Variants in NPC1 observed in about 807,000 individuals in gnomAD.
NPC1 encodes NPC intracellular cholesterol transporter 1.
In NPC1, 85 loss-of-function variants were observed where a neutral mutation model predicts 140.4. That is an observed-to-expected ratio of 0.61 (90% confidence interval 0.51 to 0.72). The LOEUF (loss-of-function observed/expected upper bound fraction) is 0.72. NPC1 is among the 30% of genes least tolerant of loss of function. NPC1 has a pLI of 0.00. For missense variants in NPC1, 1,504 were observed against 1,623.8 expected (o/e 0.93, Z 1.27); for synonymous variants, 656 against 624.8 (o/e 1.05, Z -0.74).
At chr18:23,577,355 A>AT in intron 1 of NPC1, among the ~76,000 whole-genome samples, 1 of 72,404 alleles carries the variant, frequency 1.4e-5, no homozygotes, top group Admixed American at 1.4e-4. Context: ...CCTTGAGCTA[A>AT]ACACAGGGTG....
downstream of NPC1, among the ~76,000 whole-genome samples, chr18:23,525,143 T>C (rs2058260038): frequency 6.6e-6 from 1 of 151,060 alleles, no homozygotes; most frequent in Non-Finnish European, 1.5e-5. Flanking sequence ...ACGAGGTTTT[T>C]CCATGTTGGT....
chr18:23,548,858 G>A (rs112040079), intron 10 of NPC1, among the ~76,000 whole-genome samples: 46 of 152,206 alleles, frequency 3.0e-4, no homozygotes, highest in African/African-American at 1.1e-3. Context: ...TGGTGCAATC[G>A]CGGCTTTTTG....
chr18:23,563,987 GT>G (rs71163619), intron 4 of NPC1, among the ~76,000 whole-genome samples: 66 of 102,582 alleles, frequency 6.4e-4, no homozygotes, highest in Non-Finnish European at 9.0e-4. Flanking sequence ...AGTAGTAAGA[GT>G]TTTTTTTTTT....
chr18:23,575,768 C>CAAAAAAAA (rs1238529426), intron 1 of NPC1, among the ~76,000 whole-genome samples: 1 of 48,406 alleles, frequency 2.1e-5, no homozygotes, highest in Non-Finnish European at 3.8e-5. Flanking sequence ...GCAGAGAAGA[C>CAAAAAAAA]CAAAAAAAAA....
chr18:23,532,175 G>C lies in NPC1; in HGVS notation c.*27C>G, dbSNP rs1319900947. 1 of 1,614,120 alleles carries C rather than the reference G, an allele frequency of 6.2e-7. No homozygotes were observed. Among genetic ancestry groups the C allele is most frequent in the East Asian group, 2.2e-5 (1 of 44,872 alleles). The stretch of plus-strand genomic sequence containing the variant: ...GTAAACCGACCGACCCTTAGACACA[G>C]TTCAGTCAGGATGCCCTGCGAGAGG... On this transcript the variant is annotated 3_prime_UTR_variant, in exon 25 of 25. Transcript: ENST00000269228.
At chr18:23,511,725 T>C (rs983063147) in intron 3 of NPC1, among the ~76,000 whole-genome samples, 1 of 152,022 alleles carries the variant, frequency 6.6e-6, no homozygotes, top group Non-Finnish European at 1.5e-5. Flanking sequence ...AGTATTCCAC[T>C]GTATGGATGG....
At chr18:23,533,250 G>A (rs1476302668) in intron 24 of NPC1, 105 bp downstream of exon 24, 32 of 1,198,142 alleles carry the variant, frequency 2.7e-5, no homozygotes, top group Non-Finnish European at 3.7e-5. Context: ...ATTATCAAAT[G>A]ACCATTAGTA....
At chr18:23,580,549 G>A (rs888330697) in intron 1 of NPC1, among the ~76,000 whole-genome samples, 2 of 152,242 alleles carry the variant, frequency 1.3e-5, no homozygotes, top group African/African-American at 4.8e-5. Flanking sequence ...CCCAGGGTAG[G>A]ACTTGGCCAT....
Position 23,544,943 on chromosome 18 carries a change from A to AGCCCCCCCCCCCCC in NPC1, c.1947+16_1947+17insGGGGGGGGGGGGGC. 9.7e-7 allele frequency: 1 copy of AGCCCCCCCCCCCCC among 1,032,988 alleles called. No individual in the cohort carries two copies. The highest frequency in any genetic ancestry group is 1.4e-6 in the Non-Finnish European group (1 of 712,988). The allele number at this position is 1,032,988 out of a possible 1,614,324, so 64.0% of individuals were successfully genotyped here. A position where few individuals can be genotyped will look rare whatever the true frequency, so the allele number is the denominator to read the frequency against. On this transcript the variant is annotated intron_variant, in intron 12 of 24. Coordinates refer to ENST00000269228, the MANE Select transcript of NPC1 (RefSeq NM_000271.5). ...GCTGTTAACCTCTAGAACATACACC[A>AGCCCCCCCCCCCCC]CCCCCCCCCGGCTTACCAGAAGCCT...
intron 10 of NPC1, 69 bp downstream of exon 10, chr18:23,551,558 C>T (rs1961596679): frequency 6.1e-6 from 7 of 1,138,626 alleles, no homozygotes; most frequent in Non-Finnish European, 9.4e-6. Context: ...TCATAATTAC[C>T]ACTTGATGCT....
At chr18:23,543,921 C>T (rs189194651) in intron 13 of NPC1, among the ~76,000 whole-genome samples, 3 of 152,266 alleles carry the variant, frequency 2.0e-5, no homozygotes, top group South Asian at 2.1e-4. Context: ...TCTACAGCAG[C>T]GGGACACGTG....
At chr18:23,559,441 T>A (rs2059004121) in intron 6 of NPC1, among the ~76,000 whole-genome samples, 1 of 151,472 alleles carries the variant, frequency 6.6e-6, no homozygotes, top group Non-Finnish European at 1.5e-5. Flanking sequence ...AAAAGGACTA[T>A]AGTACTCCAT....
chr18:23,529,841 C>A, downstream of NPC1: 1 of 1,080,524 alleles, frequency 9.3e-7, no homozygotes, highest in Non-Finnish European at 1.4e-6. Context: ...CTGAGTGACT[C>A]CTGACATTAT....
At chr18:23,564,646 C>A (rs1211532552) in intron 4 of NPC1, among the ~76,000 whole-genome samples, 1 of 152,100 alleles carries the variant, frequency 6.6e-6, no homozygotes, top group East Asian at 1.9e-4. Context: ...TTGATGGCGT[C>A]CTCTGAAATA....
At chr18:23,545,439 C>T (rs2058775881) in intron 11 of NPC1, among the ~76,000 whole-genome samples, 1 of 152,174 alleles carries the variant, frequency 6.6e-6, no homozygotes, top group African/African-American at 2.4e-5. Context: ...GACAGGGTTT[C>T]ACCATGTTGG....
downstream of NPC1, among the ~76,000 whole-genome samples, chr18:23,527,345 GC>G (rs1381025755): frequency 3.9e-5 from 6 of 151,916 alleles, no homozygotes; most frequent in African/African-American, 1.5e-4. Flanking sequence ...GCTGCAGCGA[GC>G]CGTTTGTGTC....
Position 23,555,002 on chromosome 18 carries a change from A to T in NPC1, c.1327-18T>A. ...TCAAGAACCTGAAAGAAGATTTTAA[A>T]AATAAGCAAACCCAGAAACACGTCA... On this transcript the variant is annotated intron_variant, in intron 8 of 24. Coordinates refer to ENST00000269228, the MANE Select transcript of NPC1 (RefSeq NM_000271.5). The T allele has an allele frequency of 6.6e-7, 1 of 1,523,190 alleles. No homozygotes were observed. Among genetic ancestry groups the T allele is most frequent in the Non-Finnish European group, 9.1e-7 (1 of 1,097,760 alleles). 94.4% of individuals were successfully genotyped at this position (1,523,190 alleles called of 1,614,324 possible). A position where few individuals can be genotyped will look rare whatever the true frequency, so the allele number is the denominator to read the frequency against.
rs771802872 is a variant in NPC1 at position 23,532,156 on chromosome 18, C to CG, written c.*45dup. The CG allele has an allele frequency of 3.7e-6, 6 of 1,613,876 alleles. No homozygotes were observed. The African/African-American group carries it at 8.0e-5, about 22-fold the overall frequency. ...ATGCAGCACCCGTCCAGTGGTAAACCGACCGACCCTTAGACACAGTTCAGT... is the reference window on the plus strand; with the variant it reads ...ATGCAGCACCCGTCCAGTGGTAAACCGGACCGACCCTTAGACACAGTTCAGT... On this transcript the variant is annotated 3_prime_UTR_variant, in exon 25 of 25. Coordinates refer to ENST00000269228, the MANE Select transcript of NPC1 (RefSeq NM_000271.5).
downstream of NPC1, chr18:23,522,268 G>T (rs2058162085): frequency 6.6e-6 from 1 of 152,204 alleles, no homozygotes; most frequent in Non-Finnish European, 1.5e-5. Flanking sequence ...AATAATGTTA[G>T]TATTGAAAGA....
Sources: allele counts gnomAD v4.1 joint callset (sites outside exome capture counted in the v4.1 genomes callset), GRCh38; gene constraint gnomAD v4.1.1; transcripts MANE v1.5; gene names NCBI Gene and HGNC (gene_info 2026-07-23, HGNC 2026-07-21).